The following SETD4 variants were observed in gnomAD, a reference collection of about 807,000 sequenced individuals.
SETD4 encodes SET domain-containing protein 4.
SETD4 carries 46 observed loss-of-function variants against 58.3 expected under a neutral mutation model. That is an observed-to-expected ratio of 0.79 (90% CI 0.62 to 1.01). The LOEUF is 1.01. Ranked by LOEUF, SETD4 falls within the 50% of genes least tolerant of loss-of-function variation. The pLI is 0.00. For missense variants in SETD4, 490 were observed against 523.3 expected (o/e 0.94, Z 0.62); for synonymous variants, 190 against 202.6 (o/e 0.94, Z 0.53).
Position 36,036,162 on chromosome 21 carries a change from CCT to C in SETD4, c.1276_1277del (p.Arg426GlyfsTer83). On this transcript the variant is annotated frameshift_variant, in exon 11 of 12. Coordinates refer to ENST00000332131, the MANE Select transcript of SETD4 (RefSeq NM_017438.5). LOFTEE classifies it high-confidence loss of function. Reference protein sequence around the residue: ...SLWTEELKILRASAETLHSLQ... With the variant: ...SLWTEELKILXASAETLHSLQ... ...AACTGTGCAGGGTCTCGGCAGATGC[CCT>C]GAGAATCTTTAGCTCTTCCGTCCAC... is the stretch of plus-strand genomic sequence containing the variant. 2 of 1,613,874 alleles carry C rather than the reference CCT, an allele frequency of 1.2e-6. No homozygotes were observed. Among genetic ancestry groups the C allele is most frequent in the South Asian group, 1.1e-5 (1 of 90,986 alleles).
At position 36,058,844 on chromosome 21, in the gene SETD4, T is replaced by G. The variant is rs765986226; in HGVS notation, c.45A>C (p.Lys15Asn). The G allele has an allele frequency of 2.5e-6, 4 of 1,600,976 alleles. No homozygotes were observed. The highest frequency in any genetic ancestry group is 3.4e-6 in the Non-Finnish European group (4 of 1,175,266). Residue 15 changes from lysine to asparagine, a missense_variant, in exon 2 of 12, where the codon AAA becomes AAC. Transcript: ENST00000332131. ...CTCTTGATTCAGAACTTCCGCAGAGTTTTCGTCTTCTGATCCGGCTTGTTC... is the reference window on the plus strand; with the variant it reads ...CTCTTGATTCAGAACTTCCGCAGAGGTTTCGTCTTCTGATCCGGCTTGTTC... ...KGRTSRIRRR[K>N]LCGSSESRGV...
chr21:36,045,121 G>A (rs2064245801), intron 6 of SETD4, among the ~76,000 whole-genome samples: 1 of 152,204 alleles, frequency 6.6e-6, no homozygotes, highest in Non-Finnish European at 1.5e-5. Context: ...AGAGGAACAA[G>A]ACAAAGACCC....
At chr21:36,055,888 A>T (rs1439365013) in intron 3 of SETD4, among the ~76,000 whole-genome samples, 2 of 152,138 alleles carry the variant, frequency 1.3e-5, no homozygotes, top group Non-Finnish European at 2.9e-5. Flanking sequence ...CCTAGGGCAA[A>T]TGACACCAGA....
intron 9 of SETD4, among the ~76,000 whole-genome samples, chr21:36,039,275 T>G (rs1300969363): frequency 2.6e-5 from 4 of 152,132 alleles, no homozygotes; most frequent in Non-Finnish European, 4.4e-5. Context: ...GTTGAAGCAC[T>G]CACCCTGAGT....
chr21:36,045,235 G>A (rs921211180), intron 6 of SETD4, among the ~76,000 whole-genome samples: 5 of 152,138 alleles, frequency 3.3e-5, no homozygotes, highest in Non-Finnish European at 5.9e-5. Context: ...TAAAAGGGAC[G>A]GGGCAGGAAA....
chr21:36,044,065 C>T, intron 6 of SETD4, 109 bp from the exon 7 acceptor site: 2 of 1,291,690 alleles, frequency 1.5e-6, no homozygotes, highest in Non-Finnish European at 2.1e-6. Context: ...TTCAAACACC[C>T]ATCAATAAAT....
At chr21:36,051,053 T>C in intron 4 of SETD4, 1 of 1,465,158 alleles carries the variant, frequency 6.8e-7, no homozygotes, top group Non-Finnish European at 9.6e-7. Context: ...GTGAGGCCAA[T>C]GCAAATGTAG....
chr21:36,056,528 TGA>T (rs1210569646), intron 3 of SETD4, among the ~76,000 whole-genome samples: 2 of 152,104 alleles, frequency 1.3e-5, no homozygotes, highest in Non-Finnish European at 2.9e-5. Context: ...CCAACTTCTG[TGA>T]GAGAATGTTC....
At chr21:36,040,483 A>C in intron 9 of SETD4, 92 bp downstream of exon 9, 2 of 1,021,330 alleles carry the variant, frequency 2.0e-6, no homozygotes, top group Non-Finnish European at 3.1e-6. Flanking sequence ...CTGGCTGGGT[A>C]TCTGAATGCA....
At chr21:36,051,539 G>A (rs530824673) in intron 4 of SETD4, among the ~76,000 whole-genome samples, 36 of 152,288 alleles carry the variant, frequency 2.4e-4, no homozygotes, top group East Asian at 1.2e-3. Context: ...CGAGACCCCC[G>A]CTAGTAAGAT....
chr21:36,043,830 C>T lies in SETD4; in HGVS notation c.853G>A (p.Gly285Arg), dbSNP rs751573016. The change falls in exon 7 of 12, where the codon GGA (glycine) becomes AGA (arginine). Residue 285 changes from glycine to arginine, a missense_variant. Transcript: ENST00000332131. ...HDNQRLFLEYGFVSVHNPHAC... is the reference protein window; with the variant it reads ...HDNQRLFLEYRFVSVHNPHAC... The stretch of plus-strand genomic sequence containing the variant: ...TGAGGATTATGGACAGAAACAAATC[C>T]GTATTCCAGGAACAGCCGTTGATTA... 8.7e-6 allele frequency: 14 copies of T among 1,614,022 alleles called. No homozygotes were observed. The highest frequency in any genetic ancestry group is 4.0e-5 in the African/African-American group (3 of 74,914).
intron 5 of SETD4, among the ~76,000 whole-genome samples, chr21:36,047,628 C>T (rs990304712): frequency 2.6e-5 from 4 of 151,902 alleles, no homozygotes; most frequent in Admixed American, 2.6e-4. Context: ...AGTGATGGAT[C>T]GGGATATCAT....
chr21:36,047,419 C>T (rs1161123779), intron 5 of SETD4, among the ~76,000 whole-genome samples: 8 of 152,240 alleles, frequency 5.3e-5, no homozygotes, highest in Admixed American at 2.6e-4. Flanking sequence ...TCTTCTATAC[C>T]TAAATAAAAC....
intron 4 of SETD4, chr21:36,050,192 G>A: frequency 8.8e-7 from 1 of 1,137,026 alleles, no homozygotes; most frequent in Non-Finnish European, 1.3e-6. Context: ...AAACAATCCA[G>A]GCAAGGAAGC....
intron 10 of SETD4, chr21:36,036,470 C>G (rs1164337084): frequency 3.1e-6 from 1 of 325,952 alleles, no homozygotes. Context: ...CCCCTCTTCC[C>G]CAAACCCCCC....
At chr21:36,052,063 C>G (rs56279140) in intron 4 of SETD4, among the ~76,000 whole-genome samples, 1 of 148,178 alleles carries the variant, frequency 6.7e-6, no homozygotes, top group Non-Finnish European at 1.5e-5. Flanking sequence ...AACATTAACA[C>G]GGCGTAATAG....
In SETD4 at chr21:36,059,094, T is replaced by C. The variant is rs1318923234; in HGVS notation, c.-36-170A>G. 1.1e-5 allele frequency: 8 copies of C among 746,352 alleles called. No individual in the cohort carries two copies. The Admixed American group carries it at 2.7e-4, about 25-fold the overall frequency. 46.2% of individuals were successfully genotyped at this position (746,352 alleles called of 1,614,324 possible). A position where few individuals can be genotyped will look rare whatever the true frequency, so the allele number is the denominator to read the frequency against. Reference sequence around the variant, plus strand: ...TGTTTCTCTCAAGTGCTTTTGTACATGAAACGTTTATACTGTGAGCTAAAT... The same window carrying C: ...TGTTTCTCTCAAGTGCTTTTGTACACGAAACGTTTATACTGTGAGCTAAAT... On this transcript the variant is annotated intron_variant, in intron 1 of 11. Coordinates refer to ENST00000332131, the MANE Select transcript of SETD4 (RefSeq NM_017438.5).
At chr21:36,043,642 C>G in intron 7 of SETD4, 140 bp downstream of exon 7, 1 of 1,456,126 alleles carries the variant, frequency 6.9e-7, no homozygotes, top group South Asian at 1.5e-5. Context: ...AAGAGTAAGG[C>G]TAGGCCTACC....
chr21:36,043,213 A>G (rs2064150100), intron 7 of SETD4: 1 of 155,280 alleles, frequency 6.4e-6, no homozygotes, highest in Non-Finnish European at 1.4e-5. Context: ...ACGAGCCAAG[A>G]TTACACCACT....
Sources: allele counts gnomAD v4.1 joint callset (sites outside exome capture counted in the v4.1 genomes callset), GRCh38; gene constraint gnomAD v4.1.1; transcripts MANE v1.5; gene names NCBI Gene and HGNC (gene_info 2026-07-23, HGNC 2026-07-21).